Variants in REG4 observed in about 807,000 individuals in gnomAD.
REG4 encodes the protein regenerating islet-derived protein 4.
Under a neutral mutation model 22.3 loss-of-function variants are expected in REG4, and 16 were observed. That is an observed-to-expected ratio of 0.72 (90% CI 0.49 to 1.09). The LOEUF (loss-of-function observed/expected upper bound fraction) is 1.09, where lower values mean the gene tolerates loss of function less well. Among genes scored for constraint, REG4 ranks in the 50% least tolerant of loss-of-function variants. REG4 has a pLI of 0.00. For missense variants in REG4, 214 were observed against 193.9 expected, an observed-to-expected ratio of 1.10 and a Z score of -0.61; for synonymous variants, 71 against 69.2, an observed-to-expected ratio of 1.03 and a Z score of -0.13.
At position 119,808,702 on chromosome 1, in the gene REG4, C is replaced by T. The variant is rs754209624; in HGVS notation, c.67+1G>A. ...GTTCCAGCTACGTGATGGATACTCA[C>T]CACCCAGGACTCCTGTTTTGGCCAG... On this transcript the variant is annotated splice_donor_variant, in intron 2 of 5. Transcript: ENST00000256585. LOFTEE classifies it high-confidence loss of function. The T allele has an allele frequency of 6.8e-6, 11 of 1,612,264 alleles. No homozygotes were observed. The highest frequency in any genetic ancestry group is 6.7e-5 in the Admixed American group (4 of 60,006).
intron 3 of REG4, chr1:119,802,761 C>T: frequency 6.9e-7 from 1 of 1,447,864 alleles, no homozygotes; most frequent in Non-Finnish European, 9.1e-7. Context: ...TCTTCTCTTC[C>T]TCCTTTGATT....
chr1:119,807,605 C>T (rs1197659348), intron 2 of REG4, among the ~76,000 whole-genome samples: 1 of 150,662 alleles, frequency 6.6e-6, no homozygotes, highest in Admixed American at 6.6e-5. Context: ...AGGAGGGGCT[C>T]AAGAGCAGCC....
chr1:119,798,751 T>C (rs914837997), intron 4 of REG4, 149 bp from the exon 5 acceptor site: 4 of 550,188 alleles, frequency 7.3e-6, no homozygotes, highest in Non-Finnish European at 1.3e-5. Flanking sequence ...GAGAAAGTCA[T>C]TCCACTCAAC....
At chr1:119,799,685 G>C in intron 4 of REG4, 40 bp downstream of exon 4, 1 of 1,599,832 alleles carries the variant, frequency 6.3e-7, no homozygotes, top group Non-Finnish European at 8.5e-7. Flanking sequence ...TGCCAGCCTG[G>C]CTTTCCCAAG....
At chr1:119,810,962 G>A (rs757356248) in intron 1 of REG4, among the ~76,000 whole-genome samples, 23 of 152,172 alleles carry the variant, frequency 1.5e-4, no homozygotes, top group Non-Finnish European at 2.8e-4. Flanking sequence ...GCTGAGGCAG[G>A]AGAATCACTT....
Position 119,794,544 on chromosome 1 carries a change from A to T in REG4, c.*74T>A. Reference sequence around the variant, plus strand: ...GCTAGGTTTCCCCTCTGAAATAATGAGCAGATTTAGCCAGGCTAGCAGAAA... The same window carrying T: ...GCTAGGTTTCCCCTCTGAAATAATGTGCAGATTTAGCCAGGCTAGCAGAAA... On this transcript the variant is annotated 3_prime_UTR_variant, in exon 6 of 6. Coordinates refer to ENST00000256585, the MANE Select transcript of REG4 (RefSeq NM_032044.4). The T allele has an allele frequency of 7.5e-7, 1 of 1,331,922 alleles. No individual in the cohort carries two copies. Among genetic ancestry groups the T allele is most frequent in the Non-Finnish European group, 1.1e-6 (1 of 923,058 alleles). 82.5% of individuals were successfully genotyped at this position (1,331,922 alleles called of 1,614,324 possible).
intron 4 of REG4, among the ~76,000 whole-genome samples, chr1:119,798,847 T>C (rs1654011056): frequency 6.6e-6 from 1 of 152,206 alleles, no homozygotes. Context: ...AGGGTTCTGA[T>C]TGATAGCAAT....
At chr1:119,800,002 G>A in intron 3 of REG4, 140 bp from the exon 4 acceptor site, 2 of 1,091,948 alleles carry the variant, frequency 1.8e-6, no homozygotes, top group Non-Finnish European at 2.6e-6. Flanking sequence ...CCCCACAGAA[G>A]GCTTCCTGCC....
rs1318013969 is a variant in REG4 at position 119,794,534 on chromosome 1, T to C, written c.*84A>G. The C allele has an allele frequency of 2.3e-6, 3 of 1,283,982 alleles. No individual in the cohort carries two copies. Among genetic ancestry groups the C allele is most frequent in the Non-Finnish European group, 3.4e-6 (3 of 879,894 alleles). The allele number at this position is 1,283,982 out of a possible 1,614,324, so 79.5% of individuals were successfully genotyped here. ...CTCTTAGTTTGCTAGGTTTCCCCTC[T>C]GAAATAATGAGCAGATTTAGCCAGG... is the stretch of plus-strand genomic sequence containing the variant. On this transcript the variant is annotated 3_prime_UTR_variant, in exon 6 of 6. Transcript: ENST00000256585.
chr1:119,804,341 C>T lies in REG4; in HGVS notation c.68-1176G>A, dbSNP rs587775832. On this transcript the variant is annotated intron_variant, in intron 2 of 5. Transcript: ENST00000256585. ...ATTGCTTTCAGATGAGCTCTCTGCT[C>T]GTCTAGCATGTAAGAGATTTTATAA... is the stretch of plus-strand genomic sequence containing the variant. Among the ~76,000 whole-genome samples the T allele has an allele frequency of 6.6e-5, 10 of 152,330 alleles. No homozygotes were observed. The East Asian group carries it at 7.7e-4, about 12-fold the overall frequency.
rs1653863184 is a variant in REG4, at chr1:119,794,306, A to G, written c.*312T>C. On this transcript the variant is annotated 3_prime_UTR_variant, in exon 6 of 6. Coordinates refer to ENST00000256585, the MANE Select transcript of REG4 (RefSeq NM_032044.4). ...TTCTGTCTTCAAATCTTTACTTCTT[A>G]TGGCCAAAGACCCAGCTGTTTCATA... The G allele has an allele frequency of 1.7e-6, 1 of 590,508 alleles. No individual in the cohort carries two copies. The highest frequency in any genetic ancestry group is 3.3e-6 in the Non-Finnish European group (1 of 301,044). The allele number at this position is 590,508 out of a possible 1,614,324, so 36.6% of individuals were successfully genotyped here.
At chr1:119,807,821 T>C (rs912124457) in intron 2 of REG4, among the ~76,000 whole-genome samples, 2 of 152,194 alleles carry the variant, frequency 1.3e-5, no homozygotes, top group African/African-American at 2.4e-5. Flanking sequence ...TCTCTTAGTA[T>C]GTCCTTCCAA....
chr1:119,807,519 G>A (rs762906525), intron 2 of REG4, among the ~76,000 whole-genome samples: 24 of 152,200 alleles, frequency 1.6e-4, no homozygotes, highest in Non-Finnish European at 3.2e-4. Context: ...CACTAAGTAG[G>A]TCTGAAGTCA....
chr1:119,795,948 C>T (rs1393815465), intron 5 of REG4, among the ~76,000 whole-genome samples: 2 of 152,224 alleles, frequency 1.3e-5, no homozygotes, highest in African/African-American at 2.4e-5. Flanking sequence ...CAGCTTCAAA[C>T]AATCAAGCAC....
At chr1:119,801,532 C>G (rs587608548) in intron 3 of REG4, 1 of 152,220 alleles carries the variant, frequency 6.6e-6, no homozygotes, top group Non-Finnish European at 1.5e-5. Context: ...GAAGTATGTA[C>G]GTGATAGCCT....
rs184760574 is a variant in REG4, at chr1:119,802,216, C to T, written c.165+852G>A. 1.6e-5 allele frequency: 8 copies of T among 509,896 alleles called. No homozygotes were observed. The African/African-American group carries it at 1.7e-4, about 11-fold the overall frequency. 31.6% of individuals were successfully genotyped at this position (509,896 alleles called of 1,614,324 possible). On this transcript the variant is annotated intron_variant, in intron 3 of 5. Transcript: ENST00000256585. ...TGCTGGGGTTGCTGTGTCAGTTACTCTCAGTGTAAACTTGGGAAAGTCATT... is the reference window on the plus strand; with the variant it reads ...TGCTGGGGTTGCTGTGTCAGTTACTTTCAGTGTAAACTTGGGAAAGTCATT...
chr1:119,799,935 G>A (rs1480802881), intron 3 of REG4, 73 bp from the exon 4 acceptor site: 10 of 1,565,822 alleles, frequency 6.4e-6, no homozygotes, highest in Middle Eastern at 2.2e-4. Flanking sequence ...GAACGCTAGC[G>A]TGCCAAGAAG....
At chr1:119,798,845 G>T (rs1162002216) in intron 4 of REG4, among the ~76,000 whole-genome samples, 2 of 152,172 alleles carry the variant, frequency 1.3e-5, no homozygotes, top group African/African-American at 4.8e-5. Context: ...ACAGGGTTCT[G>T]ATTGATAGCA....
At chr1:119,796,848 C>A (rs1163545) in intron 5 of REG4, among the ~76,000 whole-genome samples, 87,886 of 151,978 alleles carry the variant, frequency 0.58, 26,468 homozygotes, top group African/African-American at 0.73. Context: ...ATGTGATCAT[C>A]GACTCACAGG....
Sources: allele counts gnomAD v4.1 joint callset (sites outside exome capture counted in the v4.1 genomes callset), GRCh38; gene constraint gnomAD v4.1.1; transcripts MANE v1.5; gene names NCBI Gene and HGNC (gene_info 2026-07-23, HGNC 2026-07-21).